The following TMEM63B variants were observed in gnomAD, a reference collection of about 807,000 sequenced individuals.
TMEM63B encodes transmembrane protein 63B, also known as mechanosensitive cation channel TMEM63B.
In TMEM63B, 23 loss-of-function variants were observed where a neutral mutation model predicts 102.6. That is an observed-to-expected ratio of 0.22 (90% CI 0.16 to 0.32). The LOEUF (loss-of-function observed/expected upper bound fraction) is 0.32. Among genes scored for constraint, TMEM63B ranks in the 10% least tolerant of loss-of-function variants. The probability of loss-of-function intolerance (pLI) is 1.00; values close to 1 mark genes in which losing one functional copy is unlikely to be tolerated. For synonymous variants in TMEM63B, 444 were observed against 437.0 expected, an observed-to-expected ratio of 1.02 and a Z score of -0.20; for missense variants, 628 against 1,095.9, an observed-to-expected ratio of 0.57 and a Z score of 6.03.
chr6:44,138,599 G>A, intron 6 of TMEM63B, 82 bp downstream of exon 6: 1 of 1,555,514 alleles, frequency 6.4e-7, no homozygotes, highest in Non-Finnish European at 8.9e-7. Context: ...GAAGCCAGCA[G>A]CTTTCAGGGC....
At chr6:44,138,553 G>A in intron 6 of TMEM63B, 36 bp downstream of exon 6, 2 of 1,613,464 alleles carry the variant, frequency 1.2e-6, no homozygotes, top group Non-Finnish European at 8.5e-7. Flanking sequence ...AAGAAAGAGA[G>A]AAACTTCAGA....
intron 15 of TMEM63B, 184 bp downstream of exon 15, chr6:44,149,129 A>C: frequency 3.7e-6 from 3 of 810,398 alleles, no homozygotes; most frequent in Non-Finnish European, 5.9e-6. Context: ...CCCCTGAGAG[A>C]GGCCACCCTC....
At chr6:44,130,074 G>C (rs537805879) in intron 1 of TMEM63B, among the ~76,000 whole-genome samples, 2 of 152,302 alleles carry the variant, frequency 1.3e-5, no homozygotes, top group Non-Finnish European at 2.9e-5. Context: ...GAAGCTACAA[G>C]CAAGAGGAAA....
intron 1 of TMEM63B, among the ~76,000 whole-genome samples, chr6:44,131,252 T>G (rs1012767254): frequency 2.0e-5 from 3 of 152,104 alleles, no homozygotes; most frequent in Non-Finnish European, 4.4e-5. Flanking sequence ...TGTGGATATA[T>G]TCTTGCCTTT....
chr6:44,139,749 T>C lies in TMEM63B; in HGVS notation c.592T>C (p.Leu198=). The C allele has an allele frequency of 6.2e-7, 1 of 1,614,034 alleles. No homozygotes were observed. Among genetic ancestry groups the C allele is most frequent in the Non-Finnish European group, 8.5e-7 (1 of 1,179,988 alleles). Residue 198 remains leucine (L), a synonymous_variant, in exon 8 of 24, where the codon TTG becomes CTG. Transcript: ENST00000323267. ...YSFGRTTIAN[L]KSGNNLLWLH... Reference sequence around the variant, plus strand: ...CTTTGGGAGAACCACCATTGCCAACTTGAAATCAGGGTAAGATGCGAAGCT... The same window carrying C: ...CTTTGGGAGAACCACCATTGCCAACCTGAAATCAGGGTAAGATGCGAAGCT...
rs549163149 is a variant in TMEM63B at position 44,132,719 on chromosome 6, C to A, written c.-24-1842C>A. Among the ~76,000 whole-genome samples the A allele has an allele frequency of 2.5e-3, 336 of 132,666 alleles. 3 individuals carry two copies. The highest frequency in any genetic ancestry group is 0.01 in the African/African-American group (326 of 32,414). The allele number at this position is 132,666 out of a possible 152,430, so 87.0% of individuals were successfully genotyped here. A position where few individuals can be genotyped will look rare whatever the true frequency, so the allele number is the denominator to read the frequency against. ...ATTTCCGTGGACTGCCATGCAGTCA[C>A]CTAGCTCCTCCTGGACACAGGTCCA... On this transcript the variant is annotated intron_variant, in intron 1 of 23. Transcript: ENST00000323267.
At chr6:44,147,987 G>T (rs1217414832) in intron 12 of TMEM63B, among the ~76,000 whole-genome samples, 1 of 152,176 alleles carries the variant, frequency 6.6e-6, no homozygotes, top group Non-Finnish European at 1.5e-5. Flanking sequence ...GCCAGGCATG[G>T]TACTGCACAC....
Position 44,148,307 on chromosome 6 carries a change from A to G in TMEM63B, c.1043A>G (p.Lys348Arg), listed in dbSNP as rs1478044589. The change falls in exon 13 of 24, where the codon AAG becomes AGG. Residue 348 changes from lysine (K) to arginine (R), a missense_variant. Physicochemically the swap from Lys to Arg is conservative, Grantham distance 26. Around this residue, in one of 6 missense-constraint regions of TMEM63B, gnomAD observed 336 missense variants for 580.3 expected, o/e 0.58. Transcript: ENST00000323267. This position sits in a 1 kb window ranked among gnomAD's most constrained non-coding sequence, Gnocchi z 5.1. ...KLEQKLKEDY[K>R]REKEKVNEKP... ...GAGCAGAAGCTGAAGGAAGACTACA[A>G]GCGGGAGAAGGAGAAGGTGAATGAG... 2 of 1,614,132 alleles carry G rather than the reference A, an allele frequency of 1.2e-6. No homozygotes were observed. Among genetic ancestry groups the G allele is most frequent in the Admixed American group, 1.7e-5 (1 of 60,006 alleles).
At position 44,154,986 on chromosome 6, in the gene TMEM63B, C is replaced by G; in HGVS notation, c.*103C>G. 1 of 1,116,274 alleles carries G rather than the reference C, an allele frequency of 9.0e-7. No individual in the cohort carries two copies. 69.1% of individuals were successfully genotyped at this position (1,116,274 alleles called of 1,614,324 possible). A position where few individuals can be genotyped will look rare whatever the true frequency, so the allele number is the denominator to read the frequency against. On this transcript the variant is annotated 3_prime_UTR_variant, in exon 24 of 24. Transcript: ENST00000323267. ...TATTAGATCTAAAGCCCCTTCCTCC[C>G]CAGCCCCTGCTTTCATTAAGGTATT...
At chr6:44,134,831 G>GA (rs1199922907) in intron 2 of TMEM63B, 88 bp downstream of exon 2, 16 of 1,489,700 alleles carry the variant, frequency 1.1e-5, no homozygotes, top group African/African-American at 2.1e-5. Context: ...TCTCCCACCT[G>GA]CCCCGGTTTC....
chr6:44,145,968 G>T (rs371949504), intron 10 of TMEM63B, among the ~76,000 whole-genome samples: 1 of 152,132 alleles, frequency 6.6e-6, no homozygotes, highest in African/African-American at 2.4e-5. Context: ...TCTGGGGTCA[G>T]TCTTTGGCCA....
chr6:44,131,376 C>T (rs1223659286), intron 1 of TMEM63B, among the ~76,000 whole-genome samples: 1 of 152,176 alleles, frequency 6.6e-6, no homozygotes, highest in East Asian at 1.9e-4. Context: ...TCCCCTCCTC[C>T]CCTCAGACCA....
chr6:44,135,846 A>G (rs1437828381), intron 4 of TMEM63B, among the ~76,000 whole-genome samples: 2 of 151,994 alleles, frequency 1.3e-5, no homozygotes, highest in African/African-American at 2.4e-5. Flanking sequence ...TGTCTATAGG[A>G]TTGGAGTTGG....
chr6:44,135,347 G>A lies in TMEM63B; in HGVS notation c.259G>A (p.Asp87Asn). Residue 87 changes from aspartate (D) to asparagine (N), a missense_variant, in exon 4 of 24, where the codon GAC becomes AAC. Transcript: ENST00000323267. ...DADRLRRQER[D>N]RVEQEYVASA... is the part of the protein sequence containing the mutation. ...CCCCAGGCTTCGGCGGCAGGAGAGGGACCGAGTGGAACAGGAATAGTATGT... is the reference window on the plus strand; with the variant it reads ...CCCCAGGCTTCGGCGGCAGGAGAGGAACCGAGTGGAACAGGAATAGTATGT... 1 of 1,613,010 alleles carries A rather than the reference G, an allele frequency of 6.2e-7. No homozygotes were observed. Among genetic ancestry groups the A allele is most frequent in the Non-Finnish European group, 8.5e-7 (1 of 1,179,444 alleles).
At position 44,152,017 on chromosome 6, in the gene TMEM63B, G is replaced by A. The variant is rs764569112; in HGVS notation, c.1836+9G>A. 37 of 1,594,424 alleles carry A rather than the reference G, an allele frequency of 2.3e-5. No individual in the cohort carries two copies. Among genetic ancestry groups the A allele is most frequent in the Non-Finnish European group, 3.0e-5 (35 of 1,171,874 alleles). ...GGCGCAACGTGAAGCGGGTACGGCCGCCTGGGGCAGCAGCGGCCCGCACAG... is the reference window on the plus strand; with the variant it reads ...GGCGCAACGTGAAGCGGGTACGGCCACCTGGGGCAGCAGCGGCCCGCACAG... On this transcript the variant is annotated intron_variant, in intron 19 of 23. Transcript: ENST00000323267. The surrounding 1 kb of genome is among the most constrained non-coding windows in gnomAD (Gnocchi z 6.4).
intron 10 of TMEM63B, among the ~76,000 whole-genome samples, chr6:44,142,445 G>T (rs967626567): frequency 6.6e-6 from 1 of 152,012 alleles, no homozygotes; most frequent in Non-Finnish European, 1.5e-5. Context: ...CAGAAGAATC[G>T]CTTGAACCCA....
Position 44,150,728 on chromosome 6 carries a change from A to G in TMEM63B, c.1673+99A>G. ...CATGGGAGGGTGCAACAAAGCTTCC[A>G]ACTCCTGGAGGGGGCAGAAGAGAGA... On this transcript the variant is annotated intron_variant, in intron 18 of 23. Coordinates refer to ENST00000323267, the MANE Select transcript of TMEM63B (RefSeq NM_018426.3). This position sits in a 1 kb window ranked among gnomAD's most constrained non-coding sequence, Gnocchi z 4.7. The G allele has an allele frequency of 7.9e-7, 1 of 1,264,752 alleles. No homozygotes were observed. The allele number at this position is 1,264,752 out of a possible 1,614,324, so 78.3% of individuals were successfully genotyped here.
In TMEM63B at chr6:44,152,681, C is replaced by G; in HGVS notation, c.1925C>G (p.Pro642Arg). The change falls in exon 20 of 24, where the codon CCC becomes CGC. Residue 642 changes from proline to arginine, a missense_variant. By Grantham distance (103) the Pro-to-Arg change is moderately radical. Coordinates refer to ENST00000323267, the MANE Select transcript of TMEM63B (RefSeq NM_018426.3). This position sits in a 1 kb window ranked among gnomAD's most constrained non-coding sequence, Gnocchi z 6.4. ...GTCATGACCTACAGTATCACCTGCC[C>G]CATCATCGTGCCCTTCGGTAGGCAC... ...TVVMTYSITC[P>R]IIVPFGLMYM... The G allele has an allele frequency of 1.2e-6, 2 of 1,607,328 alleles. No individual in the cohort carries two copies. The highest frequency in any genetic ancestry group is 1.7e-6 in the Non-Finnish European group (2 of 1,179,928).
intron 11 of TMEM63B, 142 bp from the exon 12 acceptor site, chr6:44,147,235 A>C: frequency 7.3e-7 from 1 of 1,360,688 alleles, no homozygotes; most frequent in South Asian, 1.3e-5. Context: ...GGGTGGGGAG[A>C]CCTTGGGATG....
Sources: gnomAD v4.1 joint callset for allele counts (sites outside exome capture counted in the v4.1 genomes callset) on GRCh38, gnomAD v4.1.1 for gene constraint, gnomAD v4.1.1 regional missense constraint, Gnocchi (gnomAD v3.1) non-coding constraint, MANE v1.5 for transcripts, NCBI Gene and HGNC (gene_info 2026-07-23, HGNC 2026-07-21) for gene names.